The following CDS1 variants were observed in gnomAD, a reference collection of about 807,000 sequenced individuals.
CDS1 encodes CDP-diacylglycerol synthase 1.
Under a neutral mutation model 62.1 loss-of-function variants are expected in CDS1, and 41 were observed. The ratio of observed to expected loss-of-function variants is 0.66; its 90% CI spans 0.51 to 0.86. The LOEUF (loss-of-function observed/expected upper bound fraction) is 0.86. Ranked by LOEUF, CDS1 falls within the 40% of genes least tolerant of loss-of-function variation. CDS1 has a pLI of 0.00. For synonymous variants in CDS1, 185 were observed against 192.6 expected, an observed-to-expected ratio of 0.96 and a Z score of 0.32; for missense variants, 470 against 550.1, an observed-to-expected ratio of 0.85 and a Z score of 1.46.
intron 1 of CDS1, among the ~76,000 whole-genome samples, chr4:84,599,621 C>T (rs1413932391): frequency 6.7e-6 from 1 of 150,274 alleles, no homozygotes; most frequent in South Asian, 2.1e-4. Context: ...TAATATAATA[C>T]GTGTGTGTGT....
chr4:84,607,031 T>C (rs1191693622), intron 2 of CDS1, among the ~76,000 whole-genome samples: 1 of 152,232 alleles, frequency 6.6e-6, no homozygotes, highest in Non-Finnish European at 1.5e-5. Context: ...TTTTTAGTTC[T>C]GCCTCATGCT....
intron 5 of CDS1, among the ~76,000 whole-genome samples, chr4:84,629,460 A>G (rs1200597330): frequency 1.3e-5 from 2 of 152,162 alleles, no homozygotes; most frequent in African/African-American, 2.4e-5. Flanking sequence ...ACAATTATTT[A>G]TATAGAATTT....
At chr4:84,630,538 T>G (rs1277300443) in intron 5 of CDS1, among the ~76,000 whole-genome samples, 2 of 152,246 alleles carry the variant, frequency 1.3e-5, no homozygotes, top group Non-Finnish European at 2.9e-5. Flanking sequence ...TTTACTCTAC[T>G]GGTAGAATTG....
intron 9 of CDS1, among the ~76,000 whole-genome samples, chr4:84,639,254 T>C (rs967849121): frequency 3.9e-5 from 6 of 152,206 alleles, no homozygotes; most frequent in African/African-American, 1.4e-4. Flanking sequence ...TGGCCATCCA[T>C]GCTGTCTTGC....
In CDS1 at chr4:84,635,290, T is replaced by C. The variant is rs771940970; in HGVS notation, c.749T>C (p.Ile250Thr). Residue 250 changes from isoleucine (I) to threonine (T), a missense_variant, in exon 8 of 13, where the codon ATC (isoleucine) becomes ACC (threonine). Ile to Thr is a moderately conservative substitution (Grantham distance 89). Transcript: ENST00000295887. ...IWFLVPISSVICNDITAYLFG... is the reference protein window; with the variant it reads ...IWFLVPISSVTCNDITAYLFG... ...TTCCTTGTTCCAATATCAAGTGTTA[T>C]CTGCAATGACATAACTGCTTACCTT... The C allele has an allele frequency of 5.7e-6, 9 of 1,573,432 alleles. 1 individual carries two copies. The highest frequency in any genetic ancestry group is 6.9e-6 in the Non-Finnish European group (8 of 1,155,108).
chr4:84,596,057 GGCCC>G (rs1722737218), intron 1 of CDS1, among the ~76,000 whole-genome samples: 2 of 152,250 alleles, frequency 1.3e-5, no homozygotes, highest in Admixed American at 1.3e-4. Context: ...TGGAAGACTT[GGCCC>G]GATTCCATTT....
rs562294127 is a variant in CDS1 at position 84,611,922 on chromosome 4, G to A, written c.342+2397G>A. The stretch of plus-strand genomic sequence containing the variant: ...GATCACCATTGGCCCTGGGACTTGG[G>A]CATTTAAGAAGCAAGTGTGTGCAGA... On this transcript the variant is annotated intron_variant, in intron 3 of 12. Coordinates refer to ENST00000295887, the MANE Select transcript of CDS1 (RefSeq NM_001263.4). Among the ~76,000 whole-genome samples, 3 of 152,154 alleles carry A rather than the reference G, an allele frequency of 2.0e-5. No individual in the cohort carries two copies. In the South Asian group the frequency reaches 6.2e-4, roughly 32 times the overall value.
intron 1 of CDS1, among the ~76,000 whole-genome samples, chr4:84,597,292 G>A (rs1046204493): frequency 2.0e-5 from 3 of 152,162 alleles, no homozygotes; most frequent in South Asian, 2.1e-4. Context: ...TCATTAATTA[G>A]TGTAGGATAG....
In CDS1 at chr4:84,650,672, A is replaced by G. The variant is rs1011311637; in HGVS notation, c.*1986A>G. The G allele has an allele frequency of 3.3e-5, 5 of 152,210 alleles. No individual in the cohort carries two copies. Among genetic ancestry groups the G allele is most frequent in the Admixed American group, 3.3e-4 (5 of 15,278 alleles). 9.4% of individuals were successfully genotyped at this position (152,210 alleles called of 1,614,324 possible). On this transcript the variant is annotated 3_prime_UTR_variant, in exon 13 of 13. Coordinates refer to ENST00000295887, the MANE Select transcript of CDS1 (RefSeq NM_001263.4). ...ATATGTGTGTTATAAAATCAATATT[A>G]TTATAAACAAAATAGGAAGCTAGAA...
intron 1 of CDS1, among the ~76,000 whole-genome samples, chr4:84,600,821 A>T (rs980136137): frequency 6.6e-6 from 1 of 152,036 alleles, no homozygotes; most frequent in African/African-American, 2.4e-5. Context: ...GCCTTCTGGG[A>T]TGTTTACAGA....
At position 84,648,873 on chromosome 4, in the gene CDS1, C is replaced by T. The variant is rs1410463037; in HGVS notation, c.*187C>T. 1 of 528,872 alleles carries T rather than the reference C, an allele frequency of 1.9e-6. No individual in the cohort carries two copies. The highest frequency in any genetic ancestry group is 3.2e-6 in the Non-Finnish European group (1 of 315,654). 32.8% of individuals were successfully genotyped at this position (528,872 alleles called of 1,614,324 possible). ...TTGATCTATGTTATGAAATAAGTAG[C>T]AAATTGCCAGCAAAATGTCTTGTAC... is the stretch of plus-strand genomic sequence containing the variant. On this transcript the variant is annotated 3_prime_UTR_variant, in exon 13 of 13. Coordinates refer to ENST00000295887, the MANE Select transcript of CDS1 (RefSeq NM_001263.4).
intron 11 of CDS1, among the ~76,000 whole-genome samples, chr4:84,644,194 T>C (rs921530648): frequency 6.6e-6 from 1 of 152,146 alleles, no homozygotes. Context: ...CAATGCAGTA[T>C]ACAAAAATAT....
rs988311489 is a variant in CDS1, at chr4:84,583,415, G to A, written c.14G>A (p.Arg5Lys). 26 of 1,601,660 alleles carry A rather than the reference G, an allele frequency of 1.6e-5. No individual in the cohort carries two copies. Among genetic ancestry groups the A allele is most frequent in the Non-Finnish European group, 2.2e-5 (26 of 1,174,842 alleles). Residue 5 changes from arginine to lysine, a missense_variant, in exon 1 of 13, where the codon AGG (arginine) becomes AAG (lysine). Coordinates refer to ENST00000295887, the MANE Select transcript of CDS1 (RefSeq NM_001263.4). ...CGGGAGCGGAAGATGTTGGAGCTGA[G>A]GCACCGGGGAAGCTGCCCCGGCCCC... MLELRHRGSCPGPRE... is the reference protein window; with the variant it reads MLELKHRGSCPGPRE...
intron 3 of CDS1, among the ~76,000 whole-genome samples, chr4:84,610,295 T>C (rs1184974006): frequency 6.6e-6 from 1 of 151,870 alleles, no homozygotes; most frequent in African/African-American, 2.4e-5. Context: ...AATTCCAAAG[T>C]GGAGACATCA....
chr4:84,625,620 T>C (rs1223726421), intron 5 of CDS1, among the ~76,000 whole-genome samples: 1 of 152,078 alleles, frequency 6.6e-6, no homozygotes, highest in African/African-American at 2.4e-5. Flanking sequence ...CATGGAGGCA[T>C]TGAAGATAGG....
At position 84,648,548 on chromosome 4, in the gene CDS1, T is replaced by A. The variant is rs770950474; in HGVS notation, c.1257-9T>A. ...ACACGAACTTGTCTTCTTTGCCTTTTATCATTAGGGGCCCAAATCCCAGCA... is the reference window on the plus strand; with the variant it reads ...ACACGAACTTGTCTTCTTTGCCTTTAATCATTAGGGGCCCAAATCCCAGCA... On this transcript the variant is annotated splice_polypyrimidine_tract_variant and intron_variant, in intron 12 of 12. Coordinates refer to ENST00000295887, the MANE Select transcript of CDS1 (RefSeq NM_001263.4). 1.2e-6 allele frequency: 2 copies of A among 1,610,728 alleles called. No individual in the cohort carries two copies. Among genetic ancestry groups the A allele is most frequent in the East Asian group, 4.5e-5 (2 of 44,848 alleles).
intron 3 of CDS1, among the ~76,000 whole-genome samples, chr4:84,611,155 AT>A (rs1348221468): frequency 6.6e-6 from 1 of 152,164 alleles, no homozygotes; most frequent in African/African-American, 2.4e-5. Flanking sequence ...AAGCCCAGAT[AT>A]TTAAAGCATG....
At chr4:84,644,695 TA>T (rs1477559503) in intron 11 of CDS1, among the ~76,000 whole-genome samples, 3 of 152,224 alleles carry the variant, frequency 2.0e-5, no homozygotes, top group Non-Finnish European at 4.4e-5. Context: ...TTTAATGGAC[TA>T]ATGTGTCCCA....
At chr4:84,646,256 C>CATT (rs1480290135) in intron 12 of CDS1, among the ~76,000 whole-genome samples, 2 of 152,112 alleles carry the variant, frequency 1.3e-5, no homozygotes, top group Non-Finnish European at 2.9e-5. Context: ...TTATCAATTT[C>CATT]ATTAATCTTT....
Sources: gnomAD v4.1 joint callset for allele counts (sites outside exome capture counted in the v4.1 genomes callset) on GRCh38, gnomAD v4.1.1 for gene constraint, MANE v1.5 for transcripts, NCBI Gene and HGNC (gene_info 2026-07-23, HGNC 2026-07-21) for gene names.